The following KIF6 variants were observed in gnomAD, a reference collection of about 807,000 sequenced individuals.
KIF6 encodes the protein kinesin-like protein KIF6.
KIF6 carries 106 observed loss-of-function variants against 112.7 expected under a neutral mutation model. The ratio of observed to expected loss-of-function variants is 0.94; its 90% CI spans 0.80 to 1.11. KIF6 has a LOEUF of 1.11. Ranked by LOEUF, KIF6 falls within the 50% of genes least tolerant of loss-of-function variation. The pLI, the probability that KIF6 is intolerant of heterozygous loss-of-function variation, is 0.00. For missense variants in KIF6, 929 were observed against 964.0 expected, an observed-to-expected ratio of 0.96 and a Z score of 0.48; for synonymous variants, 339 against 339.9, an observed-to-expected ratio of 1.00 and a Z score of 0.03.
intron 14 of KIF6, among the ~76,000 whole-genome samples, chr6:39,426,678 GAGGT>G (rs1770786690): frequency 6.6e-6 from 1 of 152,068 alleles, no homozygotes; most frequent in African/African-American, 2.4e-5. Context: ...TTGAATCTGG[GAGGT>G]TGAGGCTGCA....
intron 22 of KIF6, among the ~76,000 whole-genome samples, chr6:39,336,926 CTCT>C (rs1435626338): frequency 1.4e-5 from 2 of 140,520 alleles, no homozygotes; most frequent in Admixed American, 6.8e-5. Flanking sequence ...TCTTCCCTTT[CTCT>C]TCTTTCTTTC....
intron 3 of KIF6, among the ~76,000 whole-genome samples, chr6:39,663,720 T>C (rs1014579432): frequency 2.6e-5 from 4 of 151,564 alleles, no homozygotes. Flanking sequence ...AGCAGTAAGT[T>C]AAAAAAAATA....
intron 19 of KIF6, among the ~76,000 whole-genome samples, chr6:39,356,865 T>C (rs1433939958): frequency 6.6e-6 from 1 of 152,122 alleles, no homozygotes; most frequent in East Asian, 1.9e-4. Context: ...GCTACCTGGA[T>C]CCTGGCTAGG....
At chr6:39,537,220 C>A (rs1478702326) in intron 13 of KIF6, among the ~76,000 whole-genome samples, 7 of 151,906 alleles carry the variant, frequency 4.6e-5, no homozygotes, top group Non-Finnish European at 2.9e-5. Flanking sequence ...GGCCAGGGCA[C>A]TCAGGCAGGA....
At chr6:39,349,961 G>C (rs761439047) in intron 19 of KIF6, among the ~76,000 whole-genome samples, 5 of 152,120 alleles carry the variant, frequency 3.3e-5, no homozygotes, top group Non-Finnish European at 7.3e-5. Context: ...GTGGCTCTTT[G>C]TGTTATTAAC....
At chr6:39,667,311 T>C (rs1786535667) in intron 3 of KIF6, among the ~76,000 whole-genome samples, 1 of 152,152 alleles carries the variant, frequency 6.6e-6, no homozygotes, top group Admixed American at 6.5e-5. Flanking sequence ...AAGTCAGTCC[T>C]GGAATCCAAG....
intron 15 of KIF6, among the ~76,000 whole-genome samples, chr6:39,388,307 A>G (rs931654097): frequency 2.0e-5 from 3 of 149,178 alleles, no homozygotes; most frequent in Non-Finnish European, 4.4e-5. Context: ...TGGAATGACC[A>G]GGTTTAAGGA....
intron 10 of KIF6, among the ~76,000 whole-genome samples, chr6:39,560,659 T>C (rs906381189): frequency 6.6e-6 from 1 of 152,192 alleles, no homozygotes; most frequent in African/African-American, 2.4e-5. Flanking sequence ...AATTTTGACT[T>C]TATATTATAG....
chr6:39,378,324 T>C lies in KIF6; in HGVS notation c.1861+7298A>G. 6.6e-6 allele frequency among the ~76,000 whole-genome samples: 1 copy of C among 150,474 alleles called. No individual in the cohort carries two copies. The highest frequency in any genetic ancestry group is 2.1e-4 in the South Asian group (1 of 4,720). ...AAGCACAAAACACACATACAACACA[T>C]ACAACATATCCAACATACCACATAC... On this transcript the variant is annotated intron_variant, in intron 16 of 22. Transcript: ENST00000287152. This position sits in a 1 kb window ranked among gnomAD's most constrained non-coding sequence, Gnocchi z 5.0.
chr6:39,659,653 C>T (rs972742863), intron 3 of KIF6, among the ~76,000 whole-genome samples: 1 of 152,220 alleles, frequency 6.6e-6, no homozygotes, highest in African/African-American at 2.4e-5. Context: ...AGGGGCTTTT[C>T]CCCCTTTGCT....
At chr6:39,526,789 AT>A (rs35497789) in intron 13 of KIF6, among the ~76,000 whole-genome samples, 42,573 of 152,096 alleles carry the variant, frequency 0.28, 8,078 homozygotes, top group African/African-American at 0.53. Context: ...AGAGAAGTCA[AT>A]GGTCCATTTA....
At chr6:39,401,242 G>A (rs1401303270) in intron 15 of KIF6, among the ~76,000 whole-genome samples, 4 of 152,218 alleles carry the variant, frequency 2.6e-5, no homozygotes, top group African/African-American at 9.6e-5. Context: ...AAGTCACTTT[G>A]GTTGAGAAAG....
chr6:39,618,548 C>T (rs893077020), intron 5 of KIF6, among the ~76,000 whole-genome samples: 2 of 152,150 alleles, frequency 1.3e-5, no homozygotes, highest in African/African-American at 4.8e-5. Context: ...ATAAGACTCA[C>T]AGAACAAACT....
intron 15 of KIF6, among the ~76,000 whole-genome samples, chr6:39,396,293 C>T (rs189376066): frequency 7.9e-5 from 12 of 152,328 alleles, no homozygotes; most frequent in African/African-American, 2.6e-4. Flanking sequence ...ATGGGCCAGG[C>T]CCACCATTGA....
In KIF6 at chr6:39,333,499, G is replaced by T. The variant is rs1287430285; in HGVS notation, c.*3033C>A. The T allele has an allele frequency of 1.3e-5, 2 of 152,208 alleles. No homozygotes were observed. Among genetic ancestry groups the T allele is most frequent in the Admixed American group, 1.3e-4 (2 of 15,274 alleles). 9.4% of individuals were successfully genotyped at this position (152,208 alleles called of 1,614,324 possible). The stretch of plus-strand genomic sequence containing the variant: ...GCTGAAGGGGCAGCAGCTACCCATG[G>T]CATGTTCATCCCAAGAGAGATCACT... On this transcript the variant is annotated 3_prime_UTR_variant, in exon 23 of 23. Transcript: ENST00000287152.
intron 16 of KIF6, among the ~76,000 whole-genome samples, chr6:39,363,975 C>T (rs931922598): frequency 6.6e-6 from 1 of 152,182 alleles, no homozygotes; most frequent in Non-Finnish European, 1.5e-5. Context: ...AAGACATTTC[C>T]CGCTAACTTC....
At chr6:39,432,931 C>G (rs1771263497) in intron 13 of KIF6, among the ~76,000 whole-genome samples, 1 of 151,908 alleles carries the variant, frequency 6.6e-6, no homozygotes, top group South Asian at 2.1e-4. Flanking sequence ...CTCCCCCCCG[C>G]AGGGGAGCTG....
At chr6:39,419,170 G>A (rs28744439) in intron 15 of KIF6, among the ~76,000 whole-genome samples, 6,493 of 151,860 alleles carry the variant, frequency 0.043, 434 homozygotes, top group African/African-American at 0.15. Flanking sequence ...CCTAGCCAAC[G>A]TGGTGAAACC....
At chr6:39,590,451 A>ATATATTTTTT (rs1338373703) in intron 7 of KIF6, among the ~76,000 whole-genome samples, 5 of 84,750 alleles carry the variant, frequency 5.9e-5, no homozygotes, top group African/African-American at 2.5e-4. Context: ...ATATATATAT[A>ATATATTTTTT]TTTTTTTTTT....
Sources: gnomAD v4.1 joint callset for allele counts (sites outside exome capture counted in the v4.1 genomes callset) on GRCh38, gnomAD v4.1.1 for gene constraint, Gnocchi (gnomAD v3.1) non-coding constraint, MANE v1.5 for transcripts, NCBI Gene and HGNC (gene_info 2026-07-23, HGNC 2026-07-21) for gene names.